Variants in ZUP1 observed in about 807,000 individuals in gnomAD.
The protein encoded by ZUP1 is zinc finger containing ubiquitin peptidase 1.
A neutral mutation model predicts 68.1 loss-of-function variants in ZUP1; 55 were observed. That is an observed-to-expected ratio of 0.81 (90% confidence interval 0.65 to 1.01). The LOEUF is 1.01. Ranked by LOEUF, ZUP1 falls within the 50% of genes least tolerant of loss-of-function variation. The pLI, the probability that ZUP1 is intolerant of heterozygous loss-of-function variation, is 0.00. For synonymous variants in ZUP1, 223 were observed against 221.5 expected (o/e 1.01, Z -0.06); for missense variants, 684 against 674.9 (o/e 1.01, Z -0.15).
chr6:116,652,396 A>G (rs1776535291), intron 5 of ZUP1, among the ~76,000 whole-genome samples: 1 of 152,092 alleles, frequency 6.6e-6, no homozygotes, highest in South Asian at 2.1e-4. Context: ...ATTATTTATT[A>G]CAGTTCATTG....
At chr6:116,662,036 TAGAA>T (rs1374516680) in intron 2 of ZUP1, among the ~76,000 whole-genome samples, 1 of 151,498 alleles carries the variant, frequency 6.6e-6, no homozygotes, top group African/African-American at 2.4e-5. Flanking sequence ...TAAGAAAAAA[TAGAA>T]AGATGAAGAA....
At chr6:116,648,145 G>C (rs1242361294) in intron 7 of ZUP1, among the ~76,000 whole-genome samples, 1 of 152,136 alleles carries the variant, frequency 6.6e-6, no homozygotes, top group Non-Finnish European at 1.5e-5. Context: ...AGAAAAATGT[G>C]TGTGTACTCA....
chr6:116,642,274 A>C (rs565438795), intron 9 of ZUP1, among the ~76,000 whole-genome samples: 15 of 152,292 alleles, frequency 9.8e-5, no homozygotes, highest in Admixed American at 3.9e-4. Flanking sequence ...GGAACTGGTA[A>C]CATTCCTTCT....
chr6:116,645,956 A>C (rs1257654580), intron 8 of ZUP1, 22 bp from the exon 9 acceptor site: 2 of 1,535,180 alleles, frequency 1.3e-6, no homozygotes, highest in Non-Finnish European at 1.8e-6. Context: ...TTTTTAAGTT[A>C]TACATACGTC....
At chr6:116,654,110 C>CT (rs776398536) in intron 5 of ZUP1, among the ~76,000 whole-genome samples, 1 of 151,830 alleles carries the variant, frequency 6.6e-6, no homozygotes, top group Non-Finnish European at 1.5e-5. Flanking sequence ...GGACAGTGTG[C>CT]TTTTTTACAG....
At position 116,635,716 on chromosome 6, in the gene ZUP1, A is replaced by G; in HGVS notation, c.*116T>C. On this transcript the variant is annotated 3_prime_UTR_variant, in exon 10 of 10. Coordinates refer to ENST00000368576, the MANE Select transcript of ZUP1 (RefSeq NM_145062.3). ...ACACAGGCATTTTAGAAATTAAATT[A>G]TATGTTAAGACTTAAGAGAATTCAC... 1.4e-6 allele frequency: 1 copy of G among 689,756 alleles called. No individual in the cohort carries two copies. The highest frequency in any genetic ancestry group is 2.3e-6 in the Non-Finnish European group (1 of 438,274). 42.7% of individuals were successfully genotyped at this position (689,756 alleles called of 1,614,324 possible).
intron 5 of ZUP1, 76 bp from the exon 6 acceptor site, chr6:116,652,268 T>A: frequency 8.8e-7 from 1 of 1,137,790 alleles, no homozygotes; most frequent in Non-Finnish European, 1.2e-6. Context: ...AATATCAACC[T>A]CTCCTTCACG....
At chr6:116,666,402 A>G (rs866465684) in intron 2 of ZUP1, among the ~76,000 whole-genome samples, 25 of 152,354 alleles carry the variant, frequency 1.6e-4, no homozygotes, top group Middle Eastern at 3.4e-3. Flanking sequence ...TGGAAACTAG[A>G]CAGAAAGTTC....
chr6:116,652,573 T>G (rs1776544257), intron 5 of ZUP1, among the ~76,000 whole-genome samples: 1 of 152,146 alleles, frequency 6.6e-6, no homozygotes, highest in African/African-American at 2.4e-5. Flanking sequence ...AGTTTTAATT[T>G]TTTTGTAATT....
At chr6:116,651,974 G>A (rs765674388) in intron 6 of ZUP1, 30 bp downstream of exon 6, 2 of 1,601,460 alleles carry the variant, frequency 1.2e-6, no homozygotes, top group Admixed American at 1.7e-5. Flanking sequence ...TTTATCAGAT[G>A]ACAAGTTCAG....
chr6:116,645,143 A>G (rs932305871), intron 9 of ZUP1, among the ~76,000 whole-genome samples: 5 of 145,018 alleles, frequency 3.4e-5, no homozygotes, highest in Non-Finnish European at 6.3e-5. Flanking sequence ...ATTAAATTAA[A>G]TTAAATTAAA....
chr6:116,651,817 G>C (rs1776506540), intron 6 of ZUP1, 80 bp from the exon 7 acceptor site: 1 of 1,514,964 alleles, frequency 6.6e-7, no homozygotes, highest in South Asian at 1.2e-5. Context: ...ATGTACTCGG[G>C]GAACTTTACG....
chr6:116,650,743 G>C (rs1462598276), intron 7 of ZUP1, among the ~76,000 whole-genome samples: 2 of 152,078 alleles, frequency 1.3e-5, no homozygotes, highest in African/African-American at 2.4e-5. Context: ...TAAGATCTTA[G>C]ACAACTCACA....
chr6:116,644,235 T>C (rs897583360), intron 9 of ZUP1, among the ~76,000 whole-genome samples: 2 of 152,134 alleles, frequency 1.3e-5, no homozygotes, highest in East Asian at 1.9e-4. Flanking sequence ...TTTTACACTA[T>C]TGGTGGGACT....
intron 3 of ZUP1, chr6:116,660,296 T>C (rs1433014581): frequency 1.3e-5 from 2 of 153,498 alleles, no homozygotes; most frequent in African/African-American, 2.4e-5. Context: ...TTTATTTTCG[T>C]TCAGTGGGCT....
chr6:116,635,768 A>G lies in ZUP1; in HGVS notation c.*64T>C. On this transcript the variant is annotated 3_prime_UTR_variant, in exon 10 of 10. Coordinates refer to ENST00000368576, the MANE Select transcript of ZUP1 (RefSeq NM_145062.3). The stretch of plus-strand genomic sequence containing the variant: ...GATTCATAATTGTATTAAGGAGTTC[A>G]ATATCTACATTTAGAAAACAAAGTA... 7.6e-7 allele frequency: 1 copy of G among 1,318,154 alleles called. No homozygotes were observed. The highest frequency in any genetic ancestry group is 1.1e-6 in the Non-Finnish European group (1 of 944,602). The allele number at this position is 1,318,154 out of a possible 1,614,324, so 81.7% of individuals were successfully genotyped here. A position where few individuals can be genotyped will look rare whatever the true frequency, so the allele number is the denominator to read the frequency against.
chr6:116,659,107 C>T (rs1776757343), intron 3 of ZUP1, among the ~76,000 whole-genome samples, 183 bp from the exon 4 acceptor site: 1 of 152,074 alleles, frequency 6.6e-6, no homozygotes, highest in African/African-American at 2.4e-5. Context: ...GAATAACCTC[C>T]ATCTAAATGA....
At chr6:116,645,301 C>G (rs1776256291) in intron 9 of ZUP1, among the ~76,000 whole-genome samples, 2 of 152,042 alleles carry the variant, frequency 1.3e-5, no homozygotes, top group Non-Finnish European at 2.9e-5. Flanking sequence ...ACAAAGTGGG[C>G]TAGGCACGGT....
rs779506295 is a variant in ZUP1, at chr6:116,652,006, T to C, written c.1148A>G (p.Lys383Arg). The C allele has an allele frequency of 6.2e-7, 1 of 1,613,730 alleles. No individual in the cohort carries two copies. Among genetic ancestry groups the C allele is most frequent in the Non-Finnish European group, 8.5e-7 (1 of 1,179,734 alleles). The change falls in exon 6 of 10, where the codon AAA (lysine) becomes AGA (arginine). Residue 383 changes from lysine to arginine, a missense_variant and splice_region_variant. By Grantham distance (26) the Lys-to-Arg change is conservative. Coordinates refer to ENST00000368576, the MANE Select transcript of ZUP1 (RefSeq NM_145062.3). ...LQNDAYNDCL[K>R]GMLIPCIPKI... ...TCAGAGTACTAGATTTCACATACCT[T>C]TTAAGCAATCGTTGTAAGCATCATT...
Sources: allele counts gnomAD v4.1 joint callset (sites outside exome capture counted in the v4.1 genomes callset), GRCh38; gene constraint gnomAD v4.1.1; transcripts MANE v1.5; gene names NCBI Gene and HGNC (gene_info 2026-07-23, HGNC 2026-07-21).